The following TUBB variants were observed in gnomAD, a reference collection of about 807,000 sequenced individuals.
TUBB encodes the protein tubulin beta class I.
A neutral mutation model predicts 35.1 loss-of-function variants in TUBB; 2 were observed. The observed-to-expected ratio is 0.06, with a 90% CI of 0.02 to 0.18. TUBB has a LOEUF of 0.18. Among genes scored for constraint, TUBB ranks in the 10% least tolerant of loss-of-function variants. TUBB has a pLI of 1.00. For missense variants in TUBB, 50 were observed against 599.4 expected, an observed-to-expected ratio of 0.08 and a Z score of 9.57; for synonymous variants, 205 against 223.8, an observed-to-expected ratio of 0.92 and a Z score of 0.75.
intron 1 of TUBB, chr6:30,721,965 C>T (rs1013092151): frequency 1.1e-6 from 1 of 873,326 alleles, no homozygotes; most frequent in Non-Finnish European, 1.4e-6. Context: ...GCGAGACCCT[C>T]CCCCATGCCA....
At position 30,724,633 on chromosome 6, in the gene TUBB, C is replaced by T; in HGVS notation, c.*236C>T. On this transcript the variant is annotated 3_prime_UTR_variant, in exon 4 of 4. Transcript: ENST00000327892. This position sits in a 1 kb window ranked among gnomAD's most constrained non-coding sequence, Gnocchi z 4.4. ...CCTAGGTTTCTGCCATTCTGGGTGA[C>T]CCTGTATTTCTTTCTGGTGCCCATT... 3 of 523,514 alleles carry T rather than the reference C, an allele frequency of 5.7e-6. No individual in the cohort carries two copies. The highest frequency in any genetic ancestry group is 3.5e-5 in the Admixed American group (1 of 28,314). The allele number at this position is 523,514 out of a possible 1,614,324, so 32.4% of individuals were successfully genotyped here. A position where few individuals can be genotyped will look rare whatever the true frequency, so the allele number is the denominator to read the frequency against.
chr6:30,722,314 G>A (rs1776334456), intron 1 of TUBB: 1 of 518,986 alleles, frequency 1.9e-6, no homozygotes. Context: ...GTGTTGGTGC[G>A]CGCCTATAGT....
chr6:30,720,398 C>T lies in TUBB; in HGVS notation c.-109C>T, dbSNP rs1020287607. The T allele has an allele frequency of 1.1e-5, 12 of 1,071,816 alleles. No individual in the cohort carries two copies. Among genetic ancestry groups the T allele is most frequent in the Admixed American group, 1.1e-4 (6 of 55,084 alleles). 66.4% of individuals were successfully genotyped at this position (1,071,816 alleles called of 1,614,324 possible). ...CGCGTTTGCACCTCGCTGCTCCAGC[C>T]TCTGGGGCGCATTCCAACCTTCCAG... is the stretch of plus-strand genomic sequence containing the variant. On this transcript the variant is annotated 5_prime_UTR_variant, in exon 1 of 4. Transcript: ENST00000327892.
In TUBB at chr6:30,723,374, C is replaced by G. The variant is rs1776424610; in HGVS notation, c.312C>G (p.Gly104=). The change falls in exon 4 of 4, where the codon GGC becomes GGG. Residue 104 remains glycine (G), a synonymous_variant. Transcript: ENST00000327892. ...GGGCAGGTAACAACTGGGCCAAAGG[C>G]CACTACACAGAGGGCGCCGAGCTGG... ...QSGAGNNWAK[G]HYTEGAELVD... 1 of 1,611,274 alleles carries G rather than the reference C, an allele frequency of 6.2e-7. No individual in the cohort carries two copies.
intron 1 of TUBB, chr6:30,721,530 T>C (rs960169301): frequency 9.1e-6 from 9 of 984,098 alleles, no homozygotes; most frequent in East Asian, 1.1e-4. Flanking sequence ...TTTTTGTCCC[T>C]GGCCCCGCCC....
Position 30,724,450 on chromosome 6 carries a change from A to G in TUBB, c.*53A>G, listed in dbSNP as rs1360015586. On this transcript the variant is annotated 3_prime_UTR_variant, in exon 4 of 4. Transcript: ENST00000327892. This position sits in a 1 kb window ranked among gnomAD's most constrained non-coding sequence, Gnocchi z 4.4. ...TCAGTTCCCTTAGCCGTCTTACTCA[A>G]CTGCCCCTTTCCTCTCCCTCAGAAT... 5 of 1,495,732 alleles carry G rather than the reference A, an allele frequency of 3.3e-6. No homozygotes were observed. The highest frequency in any genetic ancestry group is 4.5e-6 in the Non-Finnish European group (5 of 1,109,644). 92.7% of individuals were successfully genotyped at this position (1,495,732 alleles called of 1,614,324 possible).
rs557039132 is a variant in TUBB, at chr6:30,720,690, A to T, written c.57+127A>T. On this transcript the variant is annotated intron_variant, in intron 1 of 3. Transcript: ENST00000327892. The stretch of plus-strand genomic sequence containing the variant: ...GATTTGCCCCTCTCAAGTTTGTTAC[A>T]TTTATATATATAACAATTGTAGCTA... 81 of 753,840 alleles carry T rather than the reference A, an allele frequency of 1.1e-4. No homozygotes were observed. In the African/African-American group the frequency reaches 1.4e-3, roughly 13 times the overall value. The allele number at this position is 753,840 out of a possible 1,614,324, so 46.7% of individuals were successfully genotyped here.
chr6:30,720,692 T>TTA (rs1044255666), intron 1 of TUBB, 129 bp downstream of exon 1: 5 of 755,640 alleles, frequency 6.6e-6, no homozygotes, highest in Middle Eastern at 2.4e-4. Flanking sequence ...TTTGTTACAT[T>TTA]TATATATATA....
Position 30,724,295 on chromosome 6 carries a change from T to A in TUBB, c.1233T>A (p.Ala411=). ...TGGACGAGATGGAGTTCACCGAGGC[T>A]GAGAGCAACATGAACGACCTCGTCT... ...EGMDEMEFTE[A]ESNMNDLVSE... The change falls in exon 4 of 4, where the codon GCT becomes GCA. Residue 411 remains alanine (A), a synonymous_variant. Coordinates refer to ENST00000327892, the MANE Select transcript of TUBB (RefSeq NM_178014.4). This position sits in a 1 kb window ranked among gnomAD's most constrained non-coding sequence, Gnocchi z 4.4. 6.2e-7 allele frequency: 1 copy of A among 1,613,490 alleles called. No homozygotes were observed. Among genetic ancestry groups the A allele is most frequent in the Non-Finnish European group, 8.5e-7 (1 of 1,179,878 alleles).
rs1166928878 is a variant in TUBB, at chr6:30,724,070, G to A, written c.1008G>A (p.Lys336=). ...AGCAGATGCTTAACGTGCAGAACAA[G>A]AACAGCAGCTACTTTGTGGAATGGA... ...VDEQMLNVQN[K]NSSYFVEWIP... Residue 336 remains lysine, a synonymous_variant, in exon 4 of 4, where the codon AAG becomes AAA. Transcript: ENST00000327892. This position sits in a 1 kb window ranked among gnomAD's most constrained non-coding sequence, Gnocchi z 4.4. 6.2e-7 allele frequency: 1 copy of A among 1,613,722 alleles called. No homozygotes were observed. The highest frequency in any genetic ancestry group is 2.2e-5 in the East Asian group (1 of 44,888).
intron 1 of TUBB, among the ~76,000 whole-genome samples, chr6:30,721,327 A>T (rs1179897664): frequency 7.2e-6 from 1 of 138,138 alleles, no homozygotes; most frequent in Non-Finnish European, 1.5e-5. Context: ...TCCGAGGCCA[A>T]GGGGGATTTT....
At chr6:30,721,687 G>A (rs1776279303) in intron 1 of TUBB, 1 of 985,474 alleles carries the variant, frequency 1.0e-6, no homozygotes, top group Non-Finnish European at 1.2e-6. Flanking sequence ...CCCAGCTTGG[G>A]GGAAGGAGAG....
At chr6:30,721,761 T>C (rs1387766366) in intron 1 of TUBB, 3 of 984,392 alleles carry the variant, frequency 3.0e-6, no homozygotes, top group Non-Finnish European at 3.6e-6. Context: ...CCGCTGCACA[T>C]ATCCAGAGCA....
chr6:30,720,573 T>C lies in TUBB; in HGVS notation c.57+10T>C. 1 of 1,607,520 alleles carries C rather than the reference T, an allele frequency of 6.2e-7. No homozygotes were observed. The highest frequency in any genetic ancestry group is 1.1e-5 in the South Asian group (1 of 90,012). ...CCAGATCGGTGCCAAGGTAAGAATT[T>C]TACACCTCTTTTATTTCTTTTTACA... is the stretch of plus-strand genomic sequence containing the variant. On this transcript the variant is annotated intron_variant, in intron 1 of 3. Coordinates refer to ENST00000327892, the MANE Select transcript of TUBB (RefSeq NM_178014.4).
intron 1 of TUBB, chr6:30,722,047 AG>A: frequency 3.7e-6 from 1 of 271,356 alleles, no homozygotes; most frequent in Non-Finnish European, 5.6e-6. Flanking sequence ...CAGCTACTCG[AG>A]AGGCTGAGAT....
intron 1 of TUBB, among the ~76,000 whole-genome samples, 197 bp downstream of exon 1, chr6:30,720,760 C>T (rs953728173): frequency 1.3e-5 from 2 of 152,212 alleles, no homozygotes; most frequent in African/African-American, 4.8e-5. Flanking sequence ...TTGGCAGGCA[C>T]ATTTTGGAGA....
At position 30,721,527 on chromosome 6, in the gene TUBB, C is replaced by T. The variant is rs1250068632; in HGVS notation, c.57+964C>T. On this transcript the variant is annotated intron_variant, in intron 1 of 3. Coordinates refer to ENST00000327892, the MANE Select transcript of TUBB (RefSeq NM_178014.4). The stretch of plus-strand genomic sequence containing the variant: ...CGCCCCTCGCGCGCGGAATTTTTGT[C>T]CCTGGCCCCGCCCACGCGCGAAGTC... 7.1e-6 allele frequency: 7 copies of T among 984,438 alleles called. 1 individual carries two copies. In the South Asian group the frequency reaches 1.4e-4, roughly 20 times the overall value. The allele number at this position is 984,438 out of a possible 1,614,324, so 61.0% of individuals were successfully genotyped here.
rs761337762 is a variant in TUBB at position 30,723,755 on chromosome 6, C to T, written c.693C>T (p.Ala231=). Residue 231 remains alanine, a synonymous_variant, in exon 4 of 4, where the codon GCC becomes GCT. Coordinates refer to ENST00000327892, the MANE Select transcript of TUBB (RefSeq NM_178014.4). ...GGGATCTGAACCACCTTGTCTCAGCCACCATGAGTGGTGTCACCACCTGCC... is the reference window on the plus strand; with the variant it reads ...GGGATCTGAACCACCTTGTCTCAGCTACCATGAGTGGTGTCACCACCTGCC... ...TYGDLNHLVS[A]TMSGVTTCLR... 1 of 1,614,224 alleles carries T rather than the reference C, an allele frequency of 6.2e-7. No homozygotes were observed. Among genetic ancestry groups the T allele is most frequent in the South Asian group, 1.1e-5 (1 of 91,082 alleles).
At chr6:30,721,798 G>A (rs1776290136) in intron 1 of TUBB, 2 of 985,192 alleles carry the variant, frequency 2.0e-6, no homozygotes, top group Non-Finnish European at 2.4e-6. Flanking sequence ...TCTCGGGGGA[G>A]CGAGTGTCTA....
Sources: allele counts gnomAD v4.1 joint callset (sites outside exome capture counted in the v4.1 genomes callset), GRCh38; gene constraint gnomAD v4.1.1; non-coding constraint Gnocchi (gnomAD v3.1); transcripts MANE v1.5; gene names NCBI Gene and HGNC (gene_info 2026-07-23, HGNC 2026-07-21).